The following DNAH5 variants were observed in gnomAD, a reference collection of about 807,000 sequenced individuals.
DNAH5 encodes the protein axonemal beta dynein heavy chain 5.
In DNAH5, 372 loss-of-function variants were observed where a neutral mutation model predicts 518.2. The observed-to-expected ratio is 0.72, with a 90% CI of 0.66 to 0.78. DNAH5 has a LOEUF of 0.78. DNAH5 is among the 30% of genes least tolerant of loss of function. The pLI is 0.00. For missense variants in DNAH5, 5,523 were observed against 5,687.0 expected (o/e 0.97, Z 0.93); for synonymous variants, 2,039 against 2,025.9 (o/e 1.01, Z -0.17).
intron 21 of DNAH5, among the ~76,000 whole-genome samples, chr5:13,877,478 C>T (rs1306824147): frequency 6.6e-6 from 1 of 152,196 alleles, no homozygotes; most frequent in South Asian, 2.1e-4. Flanking sequence ...ATGAAGTCAG[C>T]AACATGGCTG....
chr5:13,988,271 T>C (rs1171618517), intron 1 of DNAH5, among the ~76,000 whole-genome samples: 1 of 152,242 alleles, frequency 6.6e-6, no homozygotes, highest in Non-Finnish European at 1.5e-5. Flanking sequence ...CAAACTTTGA[T>C]GCCACTGTCC....
chr5:13,704,855 C>T (rs903512503), intron 76 of DNAH5, among the ~76,000 whole-genome samples: 2 of 152,010 alleles, frequency 1.3e-5, no homozygotes, highest in Non-Finnish European at 2.9e-5. Flanking sequence ...TGGTGGTTAC[C>T]AGAGACTAGA....
At position 14,008,183 on chromosome 5, in the gene DNAH5, AAAAGAAAG is replaced by A. The variant is rs199648044; in HGVS notation, c.12+3457_12+3464del. 6.4e-3 allele frequency among the ~76,000 whole-genome samples: 930 copies of A among 144,566 alleles called. 12 individuals are homozygous for A. Among genetic ancestry groups the A allele is most frequent in the African/African-American group, 0.023 (883 of 38,512 alleles). The allele number at this position is 144,566 out of a possible 152,430, so 94.8% of individuals were successfully genotyped here. ...CGAGAATCCGTCTTAGAAAAAAAAA[AAAAGAAAG>A]AAAGAAAGAAAAAAGAAAAGAAAAG... On this transcript the variant is annotated intron_variant, in intron 1 of 78. Transcript: ENST00000681290.
At chr5:13,894,499 G>A (rs936213957) in intron 16 of DNAH5, 151 bp downstream of exon 16, 14 of 753,658 alleles carry the variant, frequency 1.9e-5, no homozygotes, top group Admixed American at 5.4e-5. Flanking sequence ...TACTGAATTC[G>A]CATGTTTTGG....
chr5:13,903,426 G>T (rs910713775), intron 12 of DNAH5, among the ~76,000 whole-genome samples: 1 of 151,868 alleles, frequency 6.6e-6, no homozygotes, highest in South Asian at 2.1e-4. Flanking sequence ...GAAAGGCTGA[G>T]AATTTTCCAC....
Position 13,890,650 on chromosome 5 carries a change from C to T in DNAH5, c.2577+326G>A, listed in dbSNP as rs147573139. On this transcript the variant is annotated intron_variant, in intron 17 of 78. Transcript: ENST00000265104. ...TAGAAGCTGTTCAAAACAATTGTTT[C>T]GTTAATTAACCCTAGCTTATGAGAA... is the stretch of plus-strand genomic sequence containing the variant. Among the ~76,000 whole-genome samples the T allele has an allele frequency of 4.4e-3, 676 of 152,202 alleles. 12 individuals carry two copies. Among genetic ancestry groups the T allele is most frequent in the Admixed American group, 0.033 (503 of 15,292 alleles).
At position 13,880,137 on chromosome 5, in the gene DNAH5, G is replaced by C. The variant is rs973902412; in HGVS notation, c.3262+2591C>G. ...AGCAGAAGCCTTGCAGGTTAGAAAGGAGTGAAGTGATATATTCAAAATACT... is the reference window on the plus strand; with the variant it reads ...AGCAGAAGCCTTGCAGGTTAGAAAGCAGTGAAGTGATATATTCAAAATACT... On this transcript the variant is annotated intron_variant, in intron 21 of 78. Coordinates refer to ENST00000265104, the MANE Select transcript of DNAH5 (RefSeq NM_001369.3). 2.0e-5 allele frequency among the ~76,000 whole-genome samples: 3 copies of C among 152,144 alleles called. No homozygotes were observed. The South Asian group carries it at 6.2e-4, about 32-fold the overall frequency.
At chr5:13,971,652 TACCAGC>T (rs1266197643) in intron 1 of DNAH5, among the ~76,000 whole-genome samples, 1 of 152,196 alleles carries the variant, frequency 6.6e-6, no homozygotes, top group African/African-American at 2.4e-5. Context: ...CAGCTGTGGA[TACCAGC>T]ACCTGCTCCA....
intron 1 of DNAH5, among the ~76,000 whole-genome samples, chr5:13,973,243 C>A (rs1782004419): frequency 6.6e-6 from 1 of 152,148 alleles, no homozygotes; most frequent in Non-Finnish European, 1.5e-5. Flanking sequence ...AAAAAGGGAC[C>A]AAAACGATTC....
At chr5:14,001,748 G>C (rs1044803945) in intron 1 of DNAH5, among the ~76,000 whole-genome samples, 1 of 150,580 alleles carries the variant, frequency 6.6e-6, no homozygotes, top group Non-Finnish European at 1.5e-5. Flanking sequence ...TGAAGCAAAA[G>C]AGAAGCTGAG....
chr5:13,756,223 C>T (rs1750981090), intron 61 of DNAH5, among the ~76,000 whole-genome samples: 1 of 152,186 alleles, frequency 6.6e-6, no homozygotes, highest in Non-Finnish European at 1.5e-5. Context: ...AGATTGGAAC[C>T]CTTCTGCTTT....
At chr5:13,853,899 G>A (rs7723261) in intron 30 of DNAH5, among the ~76,000 whole-genome samples, 52,481 of 151,836 alleles carry the variant, frequency 0.35, 9,653 homozygotes, top group East Asian at 0.58. Flanking sequence ...ACATTTGATC[G>A]ATGTACCTAA....
At position 13,701,338 on chromosome 5, in the gene DNAH5, G is replaced by A. The variant is rs376510352; in HGVS notation, c.13437C>T (p.Cys4479=). 257 of 1,614,068 alleles carry A rather than the reference G, an allele frequency of 1.6e-4. No individual in the cohort carries two copies. The highest frequency in any genetic ancestry group is 3.0e-4 in the South Asian group (27 of 91,078). ...GGTTAAAAAAACCCGTCATCCAAAA[G>A]CAGTGAGGTCGGCCATTGAAAACCC... ...TSWVFNGRPH[C]FWMTGFFNPQ... is the part of the protein sequence containing the mutation. The change falls in exon 77 of 79, where the codon TGC becomes TGT. Residue 4479 remains cysteine (C), a synonymous_variant. Transcript: ENST00000265104.
chr5:13,762,766 T>C lies in DNAH5; in HGVS notation c.10237A>G (p.Met3413Val), dbSNP rs761173812. The C allele has an allele frequency of 6.2e-7, 1 of 1,614,164 alleles. No individual in the cohort carries two copies. The highest frequency in any genetic ancestry group is 1.1e-5 in the South Asian group (1 of 91,082). Residue 3413 changes from methionine (M) to valine (V), a missense_variant, in exon 60 of 79, where the codon ATG (methionine) becomes GTG (valine). Coordinates refer to ENST00000265104, the MANE Select transcript of DNAH5 (RefSeq NM_001369.3). ...TTGTTTATAGAAAAGAAGGAAGCCA[T>C]AGCTTTCGTCCAGGAACAAAGACCA... is the stretch of plus-strand genomic sequence containing the variant. ...VAGLCSWTKA[M>V]ASFFSINKEV...
intron 1 of DNAH5, among the ~76,000 whole-genome samples, chr5:13,983,203 G>T (rs1016552972): frequency 2.0e-5 from 3 of 152,162 alleles, no homozygotes; most frequent in African/African-American, 7.2e-5. Flanking sequence ...CTGGATGAAG[G>T]TGAGGGCTGA....
chr5:13,941,199 A>G (rs534392417), intron 1 of DNAH5, among the ~76,000 whole-genome samples: 21 of 152,230 alleles, frequency 1.4e-4, no homozygotes, highest in African/African-American at 4.8e-4. Flanking sequence ...CAAAAATTAC[A>G]ATTAAAAAAT....
At chr5:13,809,488 G>C (rs142734336) in intron 45 of DNAH5, among the ~76,000 whole-genome samples, 1 of 152,312 alleles carries the variant, frequency 6.6e-6, no homozygotes, top group East Asian at 1.9e-4. Flanking sequence ...TGAGAGTAGT[G>C]TGTATCTAAA....
intron 76 of DNAH5, among the ~76,000 whole-genome samples, chr5:13,704,662 CAG>C: frequency 6.6e-6 from 1 of 152,332 alleles, no homozygotes; most frequent in East Asian, 1.9e-4. Flanking sequence ...TGTTCAAGGA[CAG>C]TCCTTTGACC....
intron 9 of DNAH5, among the ~76,000 whole-genome samples, chr5:13,914,916 G>C (rs1241228698): frequency 6.6e-6 from 1 of 151,988 alleles, no homozygotes; most frequent in Non-Finnish European, 1.5e-5. Flanking sequence ...AACAAGGAAG[G>C]ATTCATTTCC....
Sources: allele counts gnomAD v4.1 joint callset (sites outside exome capture counted in the v4.1 genomes callset), GRCh38; gene constraint gnomAD v4.1.1; transcripts MANE v1.5; gene names NCBI Gene and HGNC (gene_info 2026-07-23, HGNC 2026-07-21).